NRG1: variants seen among roughly 807,000 people sequenced by gnomAD.
The protein encoded by NRG1 is neuregulin 1.
A neutral mutation model predicts 63.8 loss-of-function variants in NRG1; 18 were observed. The ratio of observed to expected loss-of-function variants is 0.28; its 90% CI spans 0.19 to 0.42. The LOEUF (loss-of-function observed/expected upper bound fraction) is 0.42. Among genes scored for constraint, NRG1 ranks in the 10% least tolerant of loss-of-function variants. The pLI is 1.00. For missense variants in NRG1, 762 were observed against 814.7 expected, an observed-to-expected ratio of 0.94 and a Z score of 0.79; for synonymous variants, 302 against 301.3, an observed-to-expected ratio of 1.00 and a Z score of -0.02.
intron 1 of NRG1, among the ~76,000 whole-genome samples, chr8:31,787,458 C>A (rs1266709731): frequency 2.6e-5 from 4 of 152,252 alleles, no homozygotes; most frequent in Middle Eastern, 3.4e-3. Context: ...TACCACACAA[C>A]TGAAGTTGGA....
chr8:32,513,723 A>T (rs1829497827), intron 1 of NRG1, among the ~76,000 whole-genome samples: 1 of 152,188 alleles, frequency 6.6e-6, no homozygotes, highest in Admixed American at 6.5e-5. Context: ...ATATCAGTGA[A>T]GATCTGTGTC....
At chr8:31,920,785 ATGTTAACAGCAT>A (rs974207551) in intron 1 of NRG1, among the ~76,000 whole-genome samples, 11 of 152,208 alleles carry the variant, frequency 7.2e-5, no homozygotes, top group African/African-American at 2.6e-4. Flanking sequence ...TAAAAGTGGG[ATGTTAACAGCAT>A]TTGGTAAGTT....
chr8:31,931,944 G>T (rs2129620004), intron 1 of NRG1, among the ~76,000 whole-genome samples: 1 of 152,272 alleles, frequency 6.6e-6, no homozygotes, highest in South Asian at 2.1e-4. Flanking sequence ...AGACAGGGAG[G>T]CAATTGCCAG....
intron 1 of NRG1, among the ~76,000 whole-genome samples, chr8:32,165,351 C>T (rs1450903352): frequency 6.6e-6 from 1 of 152,028 alleles, no homozygotes; most frequent in African/African-American, 2.4e-5. Context: ...ACTATGTTTA[C>T]CAGGCTGGTG....
At chr8:32,750,659 G>A (rs865996077) in intron 7 of NRG1, among the ~76,000 whole-genome samples, 18 of 146,546 alleles carry the variant, frequency 1.2e-4, no homozygotes, top group African/African-American at 4.1e-4. Flanking sequence ...TGAGGCAGTT[G>A]CAAGCTCTAG....
At chr8:32,238,671 T>C (rs1229000478) in intron 1 of NRG1, among the ~76,000 whole-genome samples, 1 of 152,174 alleles carries the variant, frequency 6.6e-6, no homozygotes, top group Non-Finnish European at 1.5e-5. Flanking sequence ...CATTTGCTTG[T>C]AGAGATGACA....
At chr8:32,178,000 A>G (rs942320194) in intron 1 of NRG1, among the ~76,000 whole-genome samples, 1 of 152,066 alleles carries the variant, frequency 6.6e-6, no homozygotes. Flanking sequence ...GCTCTCTGGA[A>G]TTGTAATCTG....
At chr8:32,447,426 G>A (rs1820405201) in intron 1 of NRG1, among the ~76,000 whole-genome samples, 1 of 152,090 alleles carries the variant, frequency 6.6e-6, no homozygotes, top group African/African-American at 2.4e-5. Context: ...TAACAATGAA[G>A]CTAATCACTG....
At position 31,920,085 on chromosome 8, in the gene NRG1, A is replaced by G. The variant is rs962984420; in HGVS notation, c.37+280654A>G. 3.9e-5 allele frequency among the ~76,000 whole-genome samples: 6 copies of G among 152,104 alleles called. No individual in the cohort carries two copies. In the South Asian group the frequency reaches 8.3e-4, roughly 21 times the overall value. ...CCCTTGAGTAAAATAGGGCTTTGTT[A>G]CAGCTAACCTAATAAGAATATTTCA... On this transcript the variant is annotated intron_variant, in intron 1 of 10. Transcript: ENST00000519301.
intron 1 of NRG1, among the ~76,000 whole-genome samples, chr8:31,691,897 A>T (rs2131133596): frequency 6.6e-6 from 1 of 152,084 alleles, no homozygotes; most frequent in African/African-American, 2.4e-5. Flanking sequence ...CTGGGGTGTA[A>T]TCACAGCTCA....
chr8:32,209,769 C>CCTTCCTTCCTTT (rs1844489943), intron 1 of NRG1, among the ~76,000 whole-genome samples: 2 of 144,310 alleles, frequency 1.4e-5, no homozygotes, highest in Non-Finnish European at 3.0e-5. Context: ...TTCCTTCCTT[C>CCTTCCTTCCTTT]CTTCCTTCTT....
intron 1 of NRG1, among the ~76,000 whole-genome samples, chr8:32,073,142 C>A (rs1028374530): frequency 6.6e-6 from 1 of 152,188 alleles, no homozygotes; most frequent in Non-Finnish European, 1.5e-5. Context: ...ATGCATTCAA[C>A]ATCTCGTTTT....
At chr8:32,392,101 T>A (rs1262816947) in intron 1 of NRG1, among the ~76,000 whole-genome samples, 2 of 152,104 alleles carry the variant, frequency 1.3e-5, no homozygotes, top group African/African-American at 4.8e-5. Context: ...GGGAAAAAAA[T>A]TGAAATAACA....
rs1356892754 is a variant in NRG1 at position 32,648,274 on chromosome 8, C to T, written c.502+31389C>T. On this transcript the variant is annotated intron_variant, in intron 5 of 11. Coordinates refer to ENST00000356819, the Ensembl canonical transcript of NRG1. ...ATTTTTGCCTTTTCTTTCTTGCCGT[C>T]CACTGCGCCATCCTTCCCTTCACCC... The T allele has an allele frequency of 3.1e-6, 5 of 1,614,112 alleles. No individual in the cohort carries two copies. The Admixed American group carries it at 6.7e-5, about 22-fold the overall frequency.
chr8:32,060,693 C>T (rs1823703035), intron 1 of NRG1, among the ~76,000 whole-genome samples: 1 of 151,872 alleles, frequency 6.6e-6, no homozygotes, highest in Non-Finnish European at 1.5e-5. Flanking sequence ...ATACATGGAG[C>T]TTACATTGGG....
intron 1 of NRG1, among the ~76,000 whole-genome samples, chr8:32,251,440 C>T (rs1425835163): frequency 6.6e-6 from 1 of 152,144 alleles, no homozygotes; most frequent in Non-Finnish European, 1.5e-5. Context: ...GGCACATTTT[C>T]TTTATCCATT....
exon 12 of NRG1, chr8:32,764,214 G>A: frequency 6.2e-7 from 1 of 1,614,126 alleles, no homozygotes; most frequent in Non-Finnish European, 8.5e-7. Flanking sequence ...TGAAACAGAA[G>A]ATGAAAGAGT....
chr8:32,301,782 T>G (rs1224514967), intron 1 of NRG1, among the ~76,000 whole-genome samples: 1 of 152,158 alleles, frequency 6.6e-6, no homozygotes, highest in Non-Finnish European at 1.5e-5. Flanking sequence ...CCGGCCTGCA[T>G]AATTCCATCA....
intron 1 of NRG1, among the ~76,000 whole-genome samples, chr8:31,717,445 G>C (rs1284912938): frequency 1.3e-5 from 2 of 150,920 alleles, no homozygotes; most frequent in Admixed American, 1.3e-4. Flanking sequence ...ACAAAAAAAG[G>C]ATTGTGTTAA....
Sources: allele counts gnomAD v4.1 joint callset (sites outside exome capture counted in the v4.1 genomes callset), GRCh38; gene constraint gnomAD v4.1.1; transcripts MANE v1.5; gene names NCBI Gene and HGNC (gene_info 2026-07-23, HGNC 2026-07-21).